STMND1: variants seen among roughly 807,000 people sequenced by gnomAD.
STMND1 encodes stathmin domain containing 1.
A neutral mutation model predicts 23.0 loss-of-function variants in STMND1; 17 were observed. The observed-to-expected ratio is 0.74, with a 90% CI of 0.51 to 1.11. The LOEUF is 1.11. Ranked by LOEUF, STMND1 falls within the 50% of genes least tolerant of loss-of-function variation. The pLI is 0.00. For synonymous variants in STMND1, 114 were observed against 119.9 expected, an observed-to-expected ratio of 0.95 and a Z score of 0.32; for missense variants, 305 against 329.1, an observed-to-expected ratio of 0.93 and a Z score of 0.57.
intron 2 of STMND1, among the ~76,000 whole-genome samples, chr6:17,119,502 G>A (rs376231963): frequency 1.3e-4 from 20 of 152,184 alleles, no homozygotes; most frequent in Middle Eastern, 3.4e-3. Context: ...TCAGGAGTTC[G>A]AGACCAGCCT....
chr6:17,116,527 C>T (rs747789004), intron 2 of STMND1, among the ~76,000 whole-genome samples: 2 of 152,114 alleles, frequency 1.3e-5, no homozygotes, highest in Non-Finnish European at 2.9e-5. Flanking sequence ...GCAACCTCCG[C>T]CTCCCAGGTT....
intron 3 of STMND1, among the ~76,000 whole-genome samples, chr6:17,123,818 A>T (rs762577613): frequency 1.3e-5 from 2 of 152,216 alleles, no homozygotes; most frequent in Non-Finnish European, 2.9e-5. Flanking sequence ...GAAATAAAAG[A>T]GATGCAGTTT....
At chr6:17,105,890 A>G (rs1761017994) in intron 1 of STMND1, among the ~76,000 whole-genome samples, 1 of 152,190 alleles carries the variant, frequency 6.6e-6, no homozygotes. Flanking sequence ...GCGCCACTGC[A>G]CTCCAGCCTG....
chr6:17,118,110 C>T (rs555419394), intron 2 of STMND1, among the ~76,000 whole-genome samples: 2 of 152,128 alleles, frequency 1.3e-5, no homozygotes, highest in South Asian at 4.1e-4. Flanking sequence ...AATCTAGTAA[C>T]ATTTATAAAT....
chr6:17,115,231 A>G (rs1761143244), intron 2 of STMND1, 92 bp downstream of exon 2: 3 of 1,265,796 alleles, frequency 2.4e-6, no homozygotes, highest in Admixed American at 2.7e-5. Flanking sequence ...TCCTTTTATC[A>G]TTGCTTTCTG....
chr6:17,114,940 C>A (rs1199410729), intron 1 of STMND1, 22 bp from the exon 2 acceptor site: 7 of 1,495,166 alleles, frequency 4.7e-6, no homozygotes, highest in Non-Finnish European at 6.2e-6. Context: ...TTGACTCTAA[C>A]AAAACTGTTC....
At chr6:17,107,664 C>T (rs551842363) in intron 1 of STMND1, among the ~76,000 whole-genome samples, 16 of 152,268 alleles carry the variant, frequency 1.1e-4, no homozygotes, top group East Asian at 9.6e-4. Context: ...GGTACAATCA[C>T]GGCTTTCTGC....
In STMND1 at chr6:17,108,069, T is replaced by A. The variant is rs571778125; in HGVS notation, c.81+5731T>A. Among the ~76,000 whole-genome samples, 19 of 152,362 alleles carry A rather than the reference T, an allele frequency of 1.2e-4. No individual in the cohort carries two copies. In the East Asian group the frequency reaches 3.5e-3, roughly 28 times the overall value. ...AACCTTAAATTTCTGCTCTGGTTTA[T>A]GTTGTTTCATGATAAAAGACTGTGT... On this transcript the variant is annotated intron_variant, in intron 1 of 4. Coordinates refer to ENST00000536551, the MANE Select transcript of STMND1 (RefSeq NM_001190766.2).
At chr6:17,121,966 G>A (rs1208441711) in intron 3 of STMND1, among the ~76,000 whole-genome samples, 6 of 151,704 alleles carry the variant, frequency 4.0e-5, no homozygotes, top group Non-Finnish European at 2.9e-5. Context: ...GGGTTCAAGC[G>A]ATTCTCCTGC....
At chr6:17,110,379 A>G (rs2113477229) in intron 1 of STMND1, 1 of 158,260 alleles carries the variant, frequency 6.3e-6, no homozygotes, top group East Asian at 1.8e-4. Context: ...CCCTGTCTCT[A>G]AAAAAAAGAG....
At chr6:17,117,714 C>T (rs56974823) in intron 2 of STMND1, among the ~76,000 whole-genome samples, 29,612 of 109,476 alleles carry the variant, frequency 0.27, 3,514 homozygotes, top group Middle Eastern at 0.51. Flanking sequence ...CTTGTTCTGT[C>T]ACCCAAGCTG....
At chr6:17,105,805 G>GT (rs1761016293) in intron 1 of STMND1, among the ~76,000 whole-genome samples, 1 of 150,794 alleles carries the variant, frequency 6.6e-6, no homozygotes, top group South Asian at 2.1e-4. Flanking sequence ...GGCTTCTGTA[G>GT]TCCCAGCTAC....
Position 17,106,670 on chromosome 6 carries a change from AGCTTTCATAAATGCATAAG to A in STMND1, c.81+4337_81+4355del, listed in dbSNP as rs1290509542. 2.0e-5 allele frequency among the ~76,000 whole-genome samples: 3 copies of A among 152,250 alleles called. No individual in the cohort carries two copies. The South Asian group carries it at 6.2e-4, about 31-fold the overall frequency. ...TTGGAATAATAATAATTTCTTTCAC[AGCTTTCATAAATGCATAAG>A]GCTTAGGGTTCAGTAGTTCAGCAGG... is the stretch of plus-strand genomic sequence containing the variant. On this transcript the variant is annotated intron_variant, in intron 1 of 4. Transcript: ENST00000536551.
intron 3 of STMND1, chr6:17,128,540 ATCT>A (rs994520320): frequency 6.6e-6 from 1 of 152,206 alleles, no homozygotes; most frequent in Non-Finnish European, 1.5e-5. Context: ...CTAAGGGTTC[ATCT>A]TCTATGCAGT....
At chr6:17,113,988 C>G (rs756244160) in intron 1 of STMND1, among the ~76,000 whole-genome samples, 1 of 152,152 alleles carries the variant, frequency 6.6e-6, no homozygotes, top group African/African-American at 2.4e-5. Context: ...TGGCTTCAAA[C>G]AGCAGTCACC....
chr6:17,130,996 G>A lies in STMND1; in HGVS notation c.*115G>A, dbSNP rs1316774028. The A allele has an allele frequency of 3.9e-6, 4 of 1,017,128 alleles. No individual in the cohort carries two copies. The African/African-American group carries it at 6.5e-5, about 16-fold the overall frequency. The allele number at this position is 1,017,128 out of a possible 1,614,324, so 63.0% of individuals were successfully genotyped here. ...CATTCCACTGGGATTTCTGCCTTGG[G>A]CTTAAGGATGATTGTGTGGGCTGCA... On this transcript the variant is annotated 3_prime_UTR_variant, in exon 5 of 5. Coordinates refer to ENST00000536551, the MANE Select transcript of STMND1 (RefSeq NM_001190766.2).
In STMND1 at chr6:17,130,649, C is replaced by A. The variant is rs771122885; in HGVS notation, c.599C>A (p.Ala200Asp). The change falls in exon 5 of 5, where the codon GCC (alanine) becomes GAC (aspartate). Residue 200 changes from alanine to aspartate, a missense_variant. Physicochemically the swap from Ala to Asp is moderately radical, Grantham distance 126. Coordinates refer to ENST00000536551, the MANE Select transcript of STMND1 (RefSeq NM_001190766.2). The stretch of plus-strand genomic sequence containing the variant: ...CGGAGTGACCGACTTTTGCCTTCAG[C>A]CAATCACTCAGATTCAGCTGAATTA... ...RLRSDRLLPS[A>D]NHSDSAELDG... 10 of 1,535,698 alleles carry A rather than the reference C, an allele frequency of 6.5e-6. No individual in the cohort carries two copies. In the South Asian group the frequency reaches 9.5e-5, roughly 15 times the overall value.
At chr6:17,108,431 A>G (rs939009957) in intron 1 of STMND1, among the ~76,000 whole-genome samples, 1 of 152,206 alleles carries the variant, frequency 6.6e-6, no homozygotes, top group African/African-American at 2.4e-5. Flanking sequence ...GAGTCTTTCA[A>G]GAGTCTCCAC....
intron 3 of STMND1, chr6:17,128,911 C>T (rs1484695802): frequency 2.3e-6 from 1 of 432,810 alleles, no homozygotes; most frequent in Admixed American, 3.7e-5. Context: ...CAAGGTTTCA[C>T]TATGTTGCCC....
Sources: gnomAD v4.1 joint callset for allele counts (sites outside exome capture counted in the v4.1 genomes callset) on GRCh38, gnomAD v4.1.1 for gene constraint, MANE v1.5 for transcripts, NCBI Gene and HGNC (gene_info 2026-07-23, HGNC 2026-07-21) for gene names.